The following EIF3E variants were observed in gnomAD, a reference collection of about 807,000 sequenced individuals.
EIF3E encodes the protein eukaryotic translation initiation factor 3 subunit E, also known as eIF-3 p48.
Under a neutral mutation model 59.3 loss-of-function variants are expected in EIF3E, and 25 were observed. The ratio of observed to expected loss-of-function variants is 0.42; its 90% CI spans 0.31 to 0.59. The LOEUF (loss-of-function observed/expected upper bound fraction) is 0.59, where lower values mean the gene tolerates loss of function less well. Among genes scored for constraint, EIF3E ranks in the 20% least tolerant of loss-of-function variants. EIF3E has a pLI of 0.15. For missense variants in EIF3E, 317 were observed against 534.3 expected, an observed-to-expected ratio of 0.59 and a Z score of 4.01; for synonymous variants, 176 against 170.2, an observed-to-expected ratio of 1.03 and a Z score of -0.26.
At position 108,203,394 on chromosome 8, in the gene EIF3E, T is replaced by C; in HGVS notation, c.1164+7A>G. 6.2e-7 allele frequency: 1 copy of C among 1,608,218 alleles called. No homozygotes were observed. The highest frequency in any genetic ancestry group is 2.2e-5 in the East Asian group (1 of 44,774). On this transcript the variant is annotated splice_region_variant and intron_variant, in intron 11 of 12. Coordinates refer to ENST00000220849, the MANE Select transcript of EIF3E (RefSeq NM_001568.3). Reference sequence around the variant, plus strand: ...ATAGTATGTAGCATAGCTAACATAATACTCACTAATTTAGAATCAATCTTG... The same window carrying C: ...ATAGTATGTAGCATAGCTAACATAACACTCACTAATTTAGAATCAATCTTG...
chr8:108,232,335 C>A (rs1407870163), intron 5 of EIF3E, among the ~76,000 whole-genome samples: 1 of 152,140 alleles, frequency 6.6e-6, no homozygotes, highest in Non-Finnish European at 1.5e-5. Flanking sequence ...TTTAGAATTT[C>A]CAGTAACTCT....
At chr8:108,204,414 C>T (rs1815052347) in intron 10 of EIF3E, among the ~76,000 whole-genome samples, 2 of 151,900 alleles carry the variant, frequency 1.3e-5, no homozygotes, top group African/African-American at 4.8e-5. Flanking sequence ...TTGGATGAAA[C>T]TGGAGGCCAT....
Position 108,219,051 on chromosome 8 carries a change from C to CCACTT in EIF3E, c.723-1592_723-1591insAAGTG, listed in dbSNP as rs528306448. 2.6e-3 allele frequency among the ~76,000 whole-genome samples: 399 copies of CCACTT among 152,222 alleles called. 1 individual carries two copies. The highest frequency in any genetic ancestry group is 8.5e-3 in the African/African-American group (353 of 41,540). The stretch of plus-strand genomic sequence containing the variant: ...CTGCCTGCCTTGGCCTCCCAAAGTG[C>CCACTT]TGGGATTACAGGCATGAGCCACTCC... On this transcript the variant is annotated intron_variant, in intron 7 of 12. Coordinates refer to ENST00000220849, the MANE Select transcript of EIF3E (RefSeq NM_001568.3).
intron 1 of EIF3E, 120 bp downstream of exon 1, chr8:108,248,493 A>G (rs1011972388): frequency 5.4e-6 from 5 of 920,284 alleles, no homozygotes; most frequent in Non-Finnish European, 8.5e-6. Flanking sequence ...GTGTCCGTCC[A>G]GGAACCAAAC....
At position 108,226,908 on chromosome 8, in the gene EIF3E, A is replaced by C. The variant is rs140234856; in HGVS notation, c.722+1359T>G. On this transcript the variant is annotated intron_variant, in intron 7 of 12. Transcript: ENST00000220849. Reference sequence around the variant, plus strand: ...TCAGCCAAGTATATAGTATTTCCTAATGATTTAGAATTCTTATTATTTCAT... The same window carrying C: ...TCAGCCAAGTATATAGTATTTCCTACTGATTTAGAATTCTTATTATTTCAT... Among the ~76,000 whole-genome samples, 504 of 152,354 alleles carry C rather than the reference A, an allele frequency of 3.3e-3. 7 individuals are homozygous for C. Among genetic ancestry groups the C allele is most frequent in the African/African-American group, 0.012 (479 of 41,572 alleles).
At chr8:108,242,039 C>T (rs1815846447) in intron 1 of EIF3E, 126 bp from the exon 2 acceptor site, 6 of 1,222,732 alleles carry the variant, frequency 4.9e-6, no homozygotes, top group African/African-American at 4.6e-5. Flanking sequence ...AAACCATTAA[C>T]ATTCCCCTCT....
chr8:108,206,592 GCACACACACAC>G (rs1815105327), intron 10 of EIF3E, among the ~76,000 whole-genome samples: 41 of 149,686 alleles, frequency 2.7e-4, no homozygotes, highest in African/African-American at 9.5e-4. Flanking sequence ...GTGCACATGT[GCACACACACAC>G]ACACACACAC....
At chr8:108,223,694 G>GC (rs1408528019) in intron 7 of EIF3E, among the ~76,000 whole-genome samples, 2 of 152,126 alleles carry the variant, frequency 1.3e-5, no homozygotes, top group Non-Finnish European at 2.9e-5. Context: ...ATCTCCGATA[G>GC]CCTACGAACA....
chr8:108,216,543 G>A (rs747039459), intron 8 of EIF3E, 30 bp from the exon 9 acceptor site: 11 of 1,468,250 alleles, frequency 7.5e-6, no homozygotes, highest in South Asian at 1.2e-5. Flanking sequence ...GTCAAGGTAA[G>A]TCTGATTCAA....
chr8:108,236,337 A>G, intron 3 of EIF3E, 134 bp from the exon 4 acceptor site: 1 of 619,334 alleles, frequency 1.6e-6, no homozygotes, highest in Non-Finnish European at 2.8e-6. Flanking sequence ...CTTCCAGAAT[A>G]AAATAAGCAG....
chr8:108,204,896 T>C (rs1048789687), intron 10 of EIF3E, among the ~76,000 whole-genome samples: 2 of 152,026 alleles, frequency 1.3e-5, no homozygotes, highest in Non-Finnish European at 2.9e-5. Context: ...CTGCATTTTG[T>C]ATTTTTCCAA....
chr8:108,242,306 T>C lies in EIF3E; in HGVS notation c.91-393A>G, dbSNP rs189543912. 21 of 1,289,920 alleles carry C rather than the reference T, an allele frequency of 1.6e-5. No homozygotes were observed. In the South Asian group the frequency reaches 2.6e-4, roughly 16 times the overall value. 79.9% of individuals were successfully genotyped at this position (1,289,920 alleles called of 1,614,324 possible). A position where few individuals can be genotyped will look rare whatever the true frequency, so the allele number is the denominator to read the frequency against. On this transcript the variant is annotated intron_variant, in intron 1 of 12. Coordinates refer to ENST00000220849, the MANE Select transcript of EIF3E (RefSeq NM_001568.3). Reference sequence around the variant, plus strand: ...TTCTCCACATCCAGGTAATCAGTAATAAACTCCTATATGCTTCTCCATCCA... The same window carrying C: ...TTCTCCACATCCAGGTAATCAGTAACAAACTCCTATATGCTTCTCCATCCA...
intron 7 of EIF3E, among the ~76,000 whole-genome samples, chr8:108,220,145 C>CA (rs1187906919): frequency 0.034 from 3,495 of 104,026 alleles, 121 homozygotes; most frequent in African/African-American, 0.094. Flanking sequence ...CTCCATCTCC[C>CA]AAAAAAAAAA....
At chr8:108,235,164 T>C (rs1815703932) in intron 4 of EIF3E, 62 bp from the exon 5 acceptor site, 1 of 1,045,452 alleles carries the variant, frequency 9.6e-7, no homozygotes, top group Non-Finnish European at 1.3e-6. Context: ...CCCATTGTAA[T>C]TCATAAGTCT....
intron 10 of EIF3E, among the ~76,000 whole-genome samples, chr8:108,204,722 A>C (rs1815058586): frequency 2.1e-5 from 2 of 95,182 alleles, no homozygotes; most frequent in South Asian, 4.1e-4. Flanking sequence ...TACTATATAT[A>C]GTATGTATGT....
intron 5 of EIF3E, 59 bp downstream of exon 5, chr8:108,234,939 C>T: frequency 9.2e-7 from 1 of 1,091,374 alleles, no homozygotes; most frequent in South Asian, 1.8e-5. Flanking sequence ...TTTTGAAGAA[C>T]CAAGGGAATC....
At chr8:108,245,016 C>T (rs1173291750) in intron 1 of EIF3E, among the ~76,000 whole-genome samples, 1 of 151,870 alleles carries the variant, frequency 6.6e-6, no homozygotes, top group Non-Finnish European at 1.5e-5. Flanking sequence ...GTATGATTTC[C>T]AATCTCAGTT....
intron 2 of EIF3E, among the ~76,000 whole-genome samples, chr8:108,241,383 C>A (rs1000497069): frequency 6.6e-6 from 1 of 151,946 alleles, no homozygotes; most frequent in Non-Finnish European, 1.5e-5. Context: ...ACTGATGATG[C>A]TGGTCCTGGG....
At chr8:108,229,859 A>C (rs1815589009) in intron 5 of EIF3E, among the ~76,000 whole-genome samples, 1 of 152,140 alleles carries the variant, frequency 6.6e-6, no homozygotes, top group South Asian at 2.1e-4. Context: ...TTACACTTCT[A>C]ATCATGAAAC....
Sources: gnomAD v4.1 joint callset for allele counts (sites outside exome capture counted in the v4.1 genomes callset) on GRCh38, gnomAD v4.1.1 for gene constraint, MANE v1.5 for transcripts, NCBI Gene and HGNC (gene_info 2026-07-23, HGNC 2026-07-21) for gene names.